Variants in TMEM45A observed in about 807,000 individuals in gnomAD.
TMEM45A encodes the protein DNA polymerase-transactivated protein 4.
TMEM45A carries 25 observed loss-of-function variants against 32.0 expected under a neutral mutation model. That is an observed-to-expected ratio of 0.78 (90% CI 0.57 to 1.09). The LOEUF is 1.09. Among genes scored for constraint, TMEM45A ranks in the 50% least tolerant of loss-of-function variants. The pLI, the probability that TMEM45A is intolerant of heterozygous loss-of-function variation, is 0.00. For missense variants in TMEM45A, 302 were observed against 325.0 expected (o/e 0.93, Z 0.54); for synonymous variants, 122 against 114.8 (o/e 1.06, Z -0.40).
chr3:100,498,546 A>G (rs911494069), intron 1 of TMEM45A, among the ~76,000 whole-genome samples: 1 of 152,112 alleles, frequency 6.6e-6, no homozygotes, highest in Non-Finnish European at 1.5e-5. Flanking sequence ...GTGTGAACCA[A>G]TTCTCAAAAT....
chr3:100,568,916 A>T lies in TMEM45A; in HGVS notation c.683A>T (p.His228Leu). 6.2e-7 allele frequency: 1 copy of T among 1,614,050 alleles called. No homozygotes were observed. Among genetic ancestry groups the T allele is most frequent in the Non-Finnish European group, 8.5e-7 (1 of 1,179,956 alleles). Residue 228 changes from histidine to leucine, a missense_variant, in exon 5 of 6, where the codon CAT (histidine) becomes CTT (leucine). Coordinates refer to ENST00000323523, the MANE Select transcript of TMEM45A (RefSeq NM_018004.3). Reference protein sequence around the residue: ...ILFLTICFCWHYAVTIVIVGM... With the variant: ...ILFLTICFCWLYAVTIVIVGM... Reference sequence around the variant, plus strand: ...TTTCTCACCATATGCTTTTGTTGGCATTATGCAGTAACCATTGTCATCGTT... The same window carrying T: ...TTTCTCACCATATGCTTTTGTTGGCTTTATGCAGTAACCATTGTCATCGTT...
chr3:100,568,419 TA>T (rs1353718171), intron 4 of TMEM45A, among the ~76,000 whole-genome samples: 1 of 152,224 alleles, frequency 6.6e-6, no homozygotes, highest in Non-Finnish European at 1.5e-5. Flanking sequence ...TTCCTGATAT[TA>T]GGGGGAAAGA....
chr3:100,532,937 T>C (rs1705671423), intron 1 of TMEM45A, among the ~76,000 whole-genome samples: 2 of 152,246 alleles, frequency 1.3e-5, no homozygotes, highest in Admixed American at 1.3e-4. Flanking sequence ...TTTTTGGACA[T>C]AGACTTGGGG....
intron 1 of TMEM45A, among the ~76,000 whole-genome samples, chr3:100,541,506 T>C (rs898812995): frequency 6.7e-6 from 1 of 148,586 alleles, no homozygotes; most frequent in African/African-American, 2.5e-5. Context: ...TTGTTTTCTT[T>C]TTCTTTTCTT....
chr3:100,553,687 C>T (rs754406533), intron 1 of TMEM45A, among the ~76,000 whole-genome samples: 7 of 152,124 alleles, frequency 4.6e-5, no homozygotes, highest in Admixed American at 3.9e-4. Context: ...GGCTTGCCTC[C>T]TTCTTTTATT....
chr3:100,571,409 T>C lies in TMEM45A; in HGVS notation c.734+2442T>C, dbSNP rs951736235. Reference sequence around the variant, plus strand: ...ATTGTTTACTGCACATATATAAAGATGATTTAATATTGAAAAATTTATTAA... The same window carrying C: ...ATTGTTTACTGCACATATATAAAGACGATTTAATATTGAAAAATTTATTAA... On this transcript the variant is annotated intron_variant, in intron 5 of 5. Transcript: ENST00000323523. 8 of 152,256 alleles carry C rather than the reference T, an allele frequency of 5.3e-5. No homozygotes were observed. In the South Asian group the frequency reaches 1.2e-3, roughly 24 times the overall value. 9.4% of individuals were successfully genotyped at this position (152,256 alleles called of 1,614,324 possible).
At chr3:100,504,749 C>G (rs1708056528) in intron 1 of TMEM45A, among the ~76,000 whole-genome samples, 1 of 152,196 alleles carries the variant, frequency 6.6e-6, no homozygotes, top group Admixed American at 6.5e-5. Context: ...GTCCTTTCCT[C>G]TACTGGATCA....
chr3:100,511,212 G>A (rs1453316761), intron 1 of TMEM45A, among the ~76,000 whole-genome samples: 1 of 152,086 alleles, frequency 6.6e-6, no homozygotes, highest in East Asian at 1.9e-4. Context: ...AATGTTAAGG[G>A]CAGCCAGAGA....
intron 1 of TMEM45A, among the ~76,000 whole-genome samples, chr3:100,501,920 T>C (rs1708012854): frequency 6.6e-6 from 1 of 152,090 alleles, no homozygotes; most frequent in African/African-American, 2.4e-5. Flanking sequence ...TACATTTCAG[T>C]AAAAAAATAT....
chr3:100,574,194 A>C (rs1706633302), intron 5 of TMEM45A: 1 of 152,188 alleles, frequency 6.6e-6, no homozygotes. Flanking sequence ...CCTTTCAAAA[A>C]ATTAATGAAT....
intron 1 of TMEM45A, among the ~76,000 whole-genome samples, chr3:100,501,205 G>A (rs6763178): frequency 0.22 from 34,062 of 152,114 alleles, 4,197 homozygotes; most frequent in East Asian, 0.36. Context: ...CGTTGCCTCC[G>A]AAAGATAGCA....
At chr3:100,517,919 C>T (rs1705327482) in intron 1 of TMEM45A, among the ~76,000 whole-genome samples, 2 of 152,206 alleles carry the variant, frequency 1.3e-5, no homozygotes, top group African/African-American at 4.8e-5. Flanking sequence ...ACAGGCCTCA[C>T]TTTTGGGCTT....
chr3:100,515,628 T>C (rs966272471), intron 1 of TMEM45A, among the ~76,000 whole-genome samples: 3 of 105,220 alleles, frequency 2.9e-5, no homozygotes, highest in African/African-American at 8.4e-5. Flanking sequence ...TAAAGTATAA[T>C]AATAAAAAAA....
At chr3:100,551,775 A>G (rs4928064) in intron 1 of TMEM45A, among the ~76,000 whole-genome samples, 63,921 of 152,102 alleles carry the variant, frequency 0.42, 13,612 homozygotes, top group Middle Eastern at 0.48. Context: ...TTGGATCTTT[A>G]AACAGAAAGA....
intron 5 of TMEM45A, chr3:100,573,994 G>A (rs557214937): frequency 4.6e-5 from 7 of 152,138 alleles, no homozygotes; most frequent in Non-Finnish European, 7.4e-5. Context: ...TGCTGGATTC[G>A]GTTTGCCAGT....
intron 1 of TMEM45A, among the ~76,000 whole-genome samples, chr3:100,521,348 G>GGGTTCAA (rs1705434054): frequency 6.6e-6 from 1 of 151,880 alleles, no homozygotes; most frequent in Admixed American, 6.6e-5. Context: ...TCTGCCTCCT[G>GGGTTCAA]GGTTCAAGTG....
At chr3:100,568,379 A>G (rs1181189887) in intron 4 of TMEM45A, among the ~76,000 whole-genome samples, 1 of 152,224 alleles carries the variant, frequency 6.6e-6, no homozygotes, top group Non-Finnish European at 1.5e-5. Context: ...AACATTCAAT[A>G]GAAGTGTGAA....
chr3:100,523,800 TCTC>T (rs879882124), intron 1 of TMEM45A, among the ~76,000 whole-genome samples: 17 of 123,454 alleles, frequency 1.4e-4, no homozygotes, highest in African/African-American at 3.1e-4. Flanking sequence ...TTCTTCTCCT[TCTC>T]CTCCTCCTCC....
At chr3:100,559,819 A>C (rs1358596667) in intron 4 of TMEM45A, among the ~76,000 whole-genome samples, 1 of 152,124 alleles carries the variant, frequency 6.6e-6, no homozygotes, top group Non-Finnish European at 1.5e-5. Context: ...ATAAAATAAA[A>C]TAAAAACCTA....
Sources: gnomAD v4.1 joint callset for allele counts (sites outside exome capture counted in the v4.1 genomes callset) on GRCh38, gnomAD v4.1.1 for gene constraint, MANE v1.5 for transcripts, NCBI Gene and HGNC (gene_info 2026-07-23, HGNC 2026-07-21) for gene names.